The following TANC2 variants were observed in gnomAD, a reference collection of about 807,000 sequenced individuals.
TANC2 encodes tetratricopeptide repeat, ankyrin repeat and coiled-coil containing 2.
Under a neutral mutation model 210.5 loss-of-function variants are expected in TANC2, and 26 were observed. The ratio of observed to expected loss-of-function variants is 0.12; its 90% CI spans 0.09 to 0.17. The LOEUF is 0.17. Among genes scored for constraint, TANC2 ranks in the 10% least tolerant of loss-of-function variants. TANC2 has a pLI of 1.00. For missense variants in TANC2, 2,129 were observed against 2,608.9 expected (o/e 0.82, Z 4.01); for synonymous variants, 931 against 967.1 (o/e 0.96, Z 0.69).
chr17:63,393,032 T>A (rs899966204), intron 17 of TANC2, among the ~76,000 whole-genome samples: 4 of 152,188 alleles, frequency 2.6e-5, no homozygotes, highest in African/African-American at 9.7e-5. Context: ...CACTGATCAT[T>A]TTTGCATTAG....
intron 2 of TANC2, among the ~76,000 whole-genome samples, chr17:63,059,311 T>A (rs2035914513): frequency 6.6e-6 from 1 of 152,200 alleles, no homozygotes. Flanking sequence ...CATTTTCTTC[T>A]GTACTTTGTT....
At chr17:63,351,391 T>C (rs752081450) in exon 13 of TANC2, 1 of 1,609,006 alleles carries the variant, frequency 6.2e-7, no homozygotes, top group Non-Finnish European at 8.5e-7. Context: ...CTCAAACTAA[T>C]TGTAACAGTT....
chr17:63,162,526 TTGA>T (rs1021522930), intron 5 of TANC2, among the ~76,000 whole-genome samples: 5 of 151,910 alleles, frequency 3.3e-5, no homozygotes, highest in African/African-American at 1.2e-4. Flanking sequence ...AGAGAGGAAA[TTGA>T]TGATGCAGAA....
intron 7 of TANC2, among the ~76,000 whole-genome samples, chr17:63,226,967 G>A (rs956027841): frequency 2.0e-5 from 3 of 152,142 alleles, no homozygotes; most frequent in Non-Finnish European, 4.4e-5. Flanking sequence ...ATTCCATGGT[G>A]TATATGTACC....
intron 2 of TANC2, among the ~76,000 whole-genome samples, chr17:63,019,589 G>A (rs1178447551): frequency 2.0e-5 from 3 of 152,062 alleles, no homozygotes; most frequent in South Asian, 2.1e-4. Context: ...TTATTTATTT[G>A]TATAAATTTA....
chr17:63,114,944 G>C (rs1407345288), intron 4 of TANC2, among the ~76,000 whole-genome samples: 1 of 152,088 alleles, frequency 6.6e-6, no homozygotes, highest in Non-Finnish European at 1.5e-5. Flanking sequence ...CCTCATCCCA[G>C]TTAGCTCCTA....
At chr17:63,032,165 C>T (rs2034797085) in intron 2 of TANC2, among the ~76,000 whole-genome samples, 1 of 152,178 alleles carries the variant, frequency 6.6e-6, no homozygotes, top group Admixed American at 6.6e-5. Flanking sequence ...TAGCTACCAA[C>T]AACTGAGTTT....
chr17:63,228,676 T>A (rs2042390918), intron 7 of TANC2, among the ~76,000 whole-genome samples: 1 of 152,210 alleles, frequency 6.6e-6, no homozygotes, highest in East Asian at 1.9e-4. Context: ...CTAGGTATTT[T>A]ATTCTCTTTG....
chr17:63,105,894 T>C (rs1480115514), intron 4 of TANC2, among the ~76,000 whole-genome samples: 1 of 151,648 alleles, frequency 6.6e-6, no homozygotes, highest in Non-Finnish European at 1.5e-5. Context: ...TTAAAAAATA[T>C]AGGAGACATG....
chr17:63,396,533 A>G (rs889745873), intron 18 of TANC2: 4 of 154,276 alleles, frequency 2.6e-5, no homozygotes, highest in East Asian at 1.9e-4. Context: ...TTAACAACCA[A>G]CTGTGAAGAG....
intron 4 of TANC2, among the ~76,000 whole-genome samples, chr17:63,131,550 A>G (rs1030329814): frequency 1.3e-5 from 2 of 150,070 alleles, no homozygotes; most frequent in African/African-American, 4.9e-5. Context: ...TTTTTTCTAC[A>G]TTACACCAGT....
chr17:63,051,461 G>T (rs1568345694), intron 2 of TANC2, among the ~76,000 whole-genome samples: 1 of 152,088 alleles, frequency 6.6e-6, no homozygotes, highest in East Asian at 1.9e-4. Flanking sequence ...TAGTTAATTT[G>T]TTTATTTATC....
At chr17:63,163,953 G>A (rs2040116598) in intron 5 of TANC2, among the ~76,000 whole-genome samples, 1 of 152,130 alleles carries the variant, frequency 6.6e-6, no homozygotes, top group African/African-American at 2.4e-5. Flanking sequence ...GCTACATATT[G>A]ATGAGAGGAA....
intron 11 of TANC2, among the ~76,000 whole-genome samples, chr17:63,335,183 G>A (rs1446906987): frequency 2.0e-5 from 3 of 152,142 alleles, no homozygotes; most frequent in Non-Finnish European, 4.4e-5. Context: ...TGAACCCTGT[G>A]ATATGATCCA....
chr17:63,309,056 C>T (rs1394690790), intron 9 of TANC2, among the ~76,000 whole-genome samples: 3 of 151,910 alleles, frequency 2.0e-5, no homozygotes, highest in African/African-American at 7.3e-5. Context: ...TCCACATTTC[C>T]ATGATTCTGG....
At chr17:63,274,412 G>A (rs2146310202) in intron 9 of TANC2, among the ~76,000 whole-genome samples, 1 of 152,236 alleles carries the variant, frequency 6.6e-6, no homozygotes, top group East Asian at 1.9e-4. Flanking sequence ...CTAGTACAGA[G>A]TATATAGCTA....
intron 14 of TANC2, among the ~76,000 whole-genome samples, chr17:63,368,398 G>A (rs1453771250): frequency 2.0e-5 from 3 of 152,310 alleles, no homozygotes; most frequent in African/African-American, 2.4e-5. Flanking sequence ...CTCAAGGCAT[G>A]CAGCTATAAC....
At chr17:63,008,751 G>A (rs1186385431) in intron 1 of TANC2, among the ~76,000 whole-genome samples, 4 of 150,574 alleles carry the variant, frequency 2.7e-5, no homozygotes, top group Non-Finnish European at 5.9e-5. Context: ...GAATAAGCAC[G>A]GATTCATGCA....
rs369743122 is a variant in TANC2 at position 63,420,238 on chromosome 17, A to G, written c.4508A>G (p.Asp1503Gly). 3.4e-5 allele frequency: 55 copies of G among 1,613,142 alleles called. No individual in the cohort carries two copies. Among genetic ancestry groups the G allele is most frequent in the Non-Finnish European group, 4.7e-5 (55 of 1,179,624 alleles). Residue 1503 changes from aspartate (D) to glycine (G), a missense_variant, in exon 28 of 28, where the codon GAT becomes GGT. By Grantham distance (94) the Asp-to-Gly change is moderately conservative. Coordinates refer to ENST00000689528, the Ensembl canonical transcript of TANC2. This position sits in a 1 kb window ranked among gnomAD's most constrained non-coding sequence, Gnocchi z 4.2. ...TTCGAGGAGGAGTACCTGGAACAGGATGTTGAAAATGTTTCCATTGGCCTC... is the reference window on the plus strand; with the variant it reads ...TTCGAGGAGGAGTACCTGGAACAGGGTGTTGAAAATGTTTCCATTGGCCTC...
Sources: gnomAD v4.1 joint callset for allele counts (sites outside exome capture counted in the v4.1 genomes callset) on GRCh38, gnomAD v4.1.1 for gene constraint, Gnocchi (gnomAD v3.1) non-coding constraint, MANE v1.5 for transcripts, NCBI Gene and HGNC (gene_info 2026-07-23, HGNC 2026-07-21) for gene names.